ANKDD1B: variants seen among roughly 807,000 people sequenced by gnomAD.
ANKDD1B encodes ankyrin repeat and death domain-containing protein 1B.
A neutral mutation model predicts 59.7 loss-of-function variants in ANKDD1B; 57 were observed. The ratio of observed to expected loss-of-function variants is 0.95; its 90% CI spans 0.77 to 1.19. The LOEUF (loss-of-function observed/expected upper bound fraction) is 1.19, where lower values mean the gene tolerates loss of function less well. Ranked by LOEUF, ANKDD1B falls within the 50% of genes most tolerant of loss-of-function variation. The pLI is 0.00. For missense variants in ANKDD1B, 602 were observed against 641.9 expected (o/e 0.94, Z 0.67); for synonymous variants, 216 against 239.5 (o/e 0.90, Z 0.91).
chr5:75,648,303 A>G (rs2111981904), intron 7 of ANKDD1B, among the ~76,000 whole-genome samples: 1 of 150,182 alleles, frequency 6.7e-6, no homozygotes, highest in East Asian at 2.0e-4. Context: ...GGAGCCATGA[A>G]ATATTCAGAA....
intron 1 of ANKDD1B, among the ~76,000 whole-genome samples, chr5:75,612,313 C>A (rs1773583670): frequency 1.8e-5 from 1 of 54,918 alleles, no homozygotes; most frequent in Admixed American, 1.8e-4. Context: ...TTTAAGTCTG[C>A]CCCCGCCCCC....
At chr5:75,661,157 G>C (rs943076423) in intron 10 of ANKDD1B, among the ~76,000 whole-genome samples, 11 of 151,124 alleles carry the variant, frequency 7.3e-5, no homozygotes, top group East Asian at 3.9e-4. Flanking sequence ...TCAGCACTTT[G>C]GGAGGCTGAG....
chr5:75,649,800 T>C lies in ANKDD1B; in HGVS notation c.799-3342T>C, dbSNP rs114127730. ...AGCTGATGTTATTCTTCTAACAACA[T>C]CTAGAATCTAAAAAGCAGATTTAAT... On this transcript the variant is annotated intron_variant, in intron 7 of 13. Coordinates refer to ENST00000601380, the MANE Select transcript of ANKDD1B (RefSeq NM_001276713.2). Among the ~76,000 whole-genome samples the C allele has an allele frequency of 6.1e-3, 926 of 152,318 alleles. 10 individuals are homozygous for C. Among genetic ancestry groups the C allele is most frequent in the African/African-American group, 0.021 (855 of 41,570 alleles).
chr5:75,670,580 CA>C (rs1775450372), intron 13 of ANKDD1B, among the ~76,000 whole-genome samples: 1 of 152,196 alleles, frequency 6.6e-6, no homozygotes, highest in Admixed American at 6.5e-5. Flanking sequence ...GCTTCAGCCT[CA>C]AAGAGCGTAT....
intron 8 of ANKDD1B, among the ~76,000 whole-genome samples, chr5:75,655,226 AG>A (rs1255955654): frequency 6.6e-6 from 1 of 152,104 alleles, no homozygotes; most frequent in Non-Finnish European, 1.5e-5. Flanking sequence ...GATAAGTGAG[AG>A]GGGCCGGGGG....
Position 75,656,031 on chromosome 5 carries a change from TAAG to T in ANKDD1B, c.901_903del (p.Lys301del). The T allele has an allele frequency of 2.8e-6, 4 of 1,451,620 alleles. No homozygotes were observed. Among genetic ancestry groups the T allele is most frequent in the Non-Finnish European group, 3.7e-6 (4 of 1,071,738 alleles). 89.9% of individuals were successfully genotyped at this position (1,451,620 alleles called of 1,614,324 possible). A position where few individuals can be genotyped will look rare whatever the true frequency, so the allele number is the denominator to read the frequency against. On this transcript the variant is annotated inframe_deletion, in exon 9 of 14. Transcript: ENST00000601380. ...GAAATTTTTATTTCTCTCTGCAGCC[TAAG>T]GAGTCCCCTCTTCATTTAGTTGTTA...
Position 75,635,884 on chromosome 5 carries a change from T to C in ANKDD1B, c.798+2T>C. 6.7e-7 allele frequency: 1 copy of C among 1,499,142 alleles called. No homozygotes were observed. The highest frequency in any genetic ancestry group is 9.0e-7 in the Non-Finnish European group (1 of 1,115,150). 92.9% of individuals were successfully genotyped at this position (1,499,142 alleles called of 1,614,324 possible). A position where few individuals can be genotyped will look rare whatever the true frequency, so the allele number is the denominator to read the frequency against. On this transcript the variant is annotated splice_donor_variant, in intron 7 of 13. Transcript: ENST00000601380. LOFTEE classifies it high-confidence loss of function. The stretch of plus-strand genomic sequence containing the variant: ...CAAGACATAAATGAGATGAATGAGG[T>C]ATGTGGAAGTGCTCGTTATTGCCAT...
chr5:75,615,059 A>AC (rs1773677932), intron 1 of ANKDD1B, among the ~76,000 whole-genome samples: 1 of 152,176 alleles, frequency 6.6e-6, no homozygotes, highest in Non-Finnish European at 1.5e-5. Context: ...ACAGACTGGC[A>AC]CCATGGAATC....
At chr5:75,642,142 A>G (rs2111961722) in intron 7 of ANKDD1B, among the ~76,000 whole-genome samples, 1 of 152,354 alleles carries the variant, frequency 6.6e-6, no homozygotes, top group South Asian at 2.1e-4. Flanking sequence ...GGATTGTGAG[A>G]GAGGAAAATC....
chr5:75,627,537 A>G (rs893516746), intron 5 of ANKDD1B, among the ~76,000 whole-genome samples: 7 of 152,352 alleles, frequency 4.6e-5, no homozygotes, highest in African/African-American at 1.7e-4. Context: ...AACAATTGTT[A>G]TAGGATAAAA....
chr5:75,641,189 T>A (rs1178725367), intron 7 of ANKDD1B, among the ~76,000 whole-genome samples: 1 of 152,198 alleles, frequency 6.6e-6, no homozygotes, highest in African/African-American at 2.4e-5. Context: ...TTATTTTTAT[T>A]TTTTTAGATC....
At chr5:75,649,252 T>G (rs1774755200) in intron 7 of ANKDD1B, among the ~76,000 whole-genome samples, 1 of 151,976 alleles carries the variant, frequency 6.6e-6, no homozygotes, top group South Asian at 2.1e-4. Context: ...TGCAATTATT[T>G]GGCTATGACA....
intron 3 of ANKDD1B, among the ~76,000 whole-genome samples, chr5:75,620,858 G>A (rs777930632): frequency 1.4e-4 from 22 of 152,118 alleles, no homozygotes; most frequent in Admixed American, 7.9e-4. Context: ...AGGCTCCATC[G>A]TCTCCATGAT....
chr5:75,630,553 C>T (rs910037673), intron 5 of ANKDD1B, among the ~76,000 whole-genome samples: 1 of 152,224 alleles, frequency 6.6e-6, no homozygotes, highest in Non-Finnish European at 1.5e-5. Flanking sequence ...CTTTCTTTCA[C>T]TCTGTTATCT....
rs192246223 is a variant in ANKDD1B at position 75,653,225 on chromosome 5, G to A, written c.882G>A (p.Leu294=). The A allele has an allele frequency of 4.6e-6, 7 of 1,535,918 alleles. No individual in the cohort carries two copies. Among genetic ancestry groups the A allele is most frequent in the Non-Finnish European group, 6.1e-6 (7 of 1,146,730 alleles). Residue 294 remains leucine, a synonymous_variant, in exon 8 of 14, where the codon CTG becomes CTA. Coordinates refer to ENST00000601380, the MANE Select transcript of ANKDD1B (RefSeq NM_001276713.2). ...VNFLLSENVD[L]HQKVEPKESP... ...TTCTTCTCAGTGAGAACGTTGATCTGCACCAGAAAGTGGAAGTGAGTTTAT... is the reference window on the plus strand; with the variant it reads ...TTCTTCTCAGTGAGAACGTTGATCTACACCAGAAAGTGGAAGTGAGTTTAT...
At chr5:75,651,030 C>G (rs1160390836) in intron 7 of ANKDD1B, among the ~76,000 whole-genome samples, 1 of 152,150 alleles carries the variant, frequency 6.6e-6, no homozygotes, top group Non-Finnish European at 1.5e-5. Flanking sequence ...CTAAGAGGAA[C>G]GATTACAAGA....
chr5:75,655,051 C>T lies in ANKDD1B; in HGVS notation c.898-978C>T, dbSNP rs377228371. ...TTGTTTCTTCCCTCCCTTTTCGCCC[C>T]GCTCAGCTGCCGTCTCTACTCCTGG... On this transcript the variant is annotated intron_variant, in intron 8 of 13. Transcript: ENST00000601380. 1.7e-4 allele frequency among the ~76,000 whole-genome samples: 26 copies of T among 152,316 alleles called. No homozygotes were observed. The East Asian group carries it at 2.3e-3, about 14-fold the overall frequency.
intron 7 of ANKDD1B, among the ~76,000 whole-genome samples, chr5:75,651,976 G>A (rs1244687724): frequency 1.3e-5 from 2 of 152,156 alleles, no homozygotes; most frequent in African/African-American, 4.8e-5. Flanking sequence ...TTTTGCAAGG[G>A]CATGGGTCTC....
chr5:75,642,188 G>A (rs1403927491), intron 7 of ANKDD1B, among the ~76,000 whole-genome samples: 3 of 152,202 alleles, frequency 2.0e-5, no homozygotes, highest in African/African-American at 7.2e-5. Flanking sequence ...GAAGTTGCAA[G>A]GTTATTGATG....
Sources: gnomAD v4.1 joint callset for allele counts (sites outside exome capture counted in the v4.1 genomes callset) on GRCh38, gnomAD v4.1.1 for gene constraint, MANE v1.5 for transcripts, NCBI Gene and HGNC (gene_info 2026-07-23, HGNC 2026-07-21) for gene names.